Variants in MGAT4C observed in about 807,000 individuals in gnomAD.
The protein encoded by MGAT4C is alpha-1,3-mannosyl-glycoprotein 4-beta-N-acetylglucosaminyltransferase C.
In MGAT4C, 19 loss-of-function variants were observed where a neutral mutation model predicts 40.1. That is an observed-to-expected ratio of 0.47 (90% confidence interval 0.33 to 0.70). The LOEUF is 0.70. Ranked by LOEUF, MGAT4C falls within the 30% of genes least tolerant of loss-of-function variation. The pLI, the probability that MGAT4C is intolerant of heterozygous loss-of-function variation, is 0.02. For synonymous variants in MGAT4C, 181 were observed against 187.1 expected, an observed-to-expected ratio of 0.97 and a Z score of 0.27; for missense variants, 491 against 563.2, an observed-to-expected ratio of 0.87 and a Z score of 1.30.
chr12:86,280,709 TA>T (rs1293870178), intron 4 of MGAT4C, among the ~76,000 whole-genome samples: 5 of 149,900 alleles, frequency 3.3e-5, no homozygotes, highest in Non-Finnish European at 7.4e-5. Context: ...TTTTTTTTTT[TA>T]AATGAAATAA....
intron 4 of MGAT4C, among the ~76,000 whole-genome samples, chr12:86,276,302 GTGTCTA>G (rs2136112805): frequency 6.6e-6 from 1 of 152,066 alleles, no homozygotes; most frequent in African/African-American, 2.4e-5. Context: ...TAGGTATATG[GTGTCTA>G]TATTTAACGA....
At chr12:86,600,961 G>A (rs567173408) in intron 2 of MGAT4C, among the ~76,000 whole-genome samples, 28 of 152,228 alleles carry the variant, frequency 1.8e-4, no homozygotes, top group Non-Finnish European at 3.4e-4. Flanking sequence ...CCTGATAGCC[G>A]AGCCCAGGCG....
At chr12:86,718,865 G>C (rs1950693520) in intron 2 of MGAT4C, among the ~76,000 whole-genome samples, 3 of 151,980 alleles carry the variant, frequency 2.0e-5, no homozygotes, top group Admixed American at 1.3e-4. Flanking sequence ...CCCCTCCATG[G>C]AAAAATTCTT....
intron 1 of MGAT4C, among the ~76,000 whole-genome samples, chr12:86,127,211 T>C (rs1445565858): frequency 6.6e-6 from 1 of 152,176 alleles, no homozygotes; most frequent in East Asian, 1.9e-4. Context: ...GTGTAGCCTA[T>C]TGCTCCTAGG....
intron 4 of MGAT4C, among the ~76,000 whole-genome samples, chr12:86,282,711 G>C (rs1953250933): frequency 6.6e-6 from 1 of 151,978 alleles, no homozygotes; most frequent in Non-Finnish European, 1.5e-5. Context: ...TTAATCTACT[G>C]ATATATAACC....
intron 4 of MGAT4C, among the ~76,000 whole-genome samples, chr12:86,318,486 T>C (rs998810943): frequency 4.6e-5 from 7 of 152,282 alleles, no homozygotes; most frequent in Admixed American, 2.0e-4. Flanking sequence ...TCACAATTGT[T>C]GGAACAGCCT....
chr12:86,659,355 G>T (rs888545941), intron 2 of MGAT4C, among the ~76,000 whole-genome samples: 72 of 151,988 alleles, frequency 4.7e-4, no homozygotes, highest in Non-Finnish European at 2.8e-4. Flanking sequence ...AAATGCCAGA[G>T]AAGAGATACA....
At chr12:86,497,921 C>T (rs1958270319) in intron 2 of MGAT4C, among the ~76,000 whole-genome samples, 1 of 135,280 alleles carries the variant, frequency 7.4e-6, no homozygotes, top group African/African-American at 2.6e-5. Flanking sequence ...TATATACGCA[C>T]ACACACATAT....
intron 1 of MGAT4C, among the ~76,000 whole-genome samples, chr12:86,118,854 T>C (rs996958911): frequency 2.0e-5 from 3 of 152,202 alleles, no homozygotes; most frequent in Non-Finnish European, 2.9e-5. Context: ...AATATAATTA[T>C]GTTATATGCA....
chr12:86,114,321 T>C (rs1878000619), intron 1 of MGAT4C, among the ~76,000 whole-genome samples: 1 of 151,934 alleles, frequency 6.6e-6, no homozygotes, highest in Non-Finnish European at 1.5e-5. Flanking sequence ...TGTACGGGTA[T>C]GAATTCTTAT....
chr12:86,771,984 A>G (rs1951648194), intron 1 of MGAT4C, among the ~76,000 whole-genome samples: 1 of 152,164 alleles, frequency 6.6e-6, no homozygotes, highest in South Asian at 2.1e-4. Context: ...ATACTAAAGG[A>G]GAGAGATAAG....
intron 2 of MGAT4C, among the ~76,000 whole-genome samples, chr12:86,445,189 C>T (rs887674331): frequency 6.6e-6 from 1 of 152,020 alleles, no homozygotes; most frequent in African/African-American, 2.4e-5. Flanking sequence ...TAATTTATGC[C>T]AATTATACTG....
intron 1 of MGAT4C, among the ~76,000 whole-genome samples, chr12:86,196,920 ATAGT>A (rs916969957): frequency 6.6e-6 from 1 of 152,210 alleles, no homozygotes; most frequent in Non-Finnish European, 1.5e-5. Flanking sequence ...TTTTTGCAAC[ATAGT>A]TAGTCTGATA....
At chr12:86,653,454 A>T (rs1035823992) in intron 2 of MGAT4C, among the ~76,000 whole-genome samples, 2 of 151,972 alleles carry the variant, frequency 1.3e-5, no homozygotes, top group Non-Finnish European at 2.9e-5. Context: ...AGGTGCATGC[A>T]TGCCATCTGC....
chr12:86,465,930 C>T (rs554223560), intron 2 of MGAT4C, among the ~76,000 whole-genome samples: 5 of 152,114 alleles, frequency 3.3e-5, no homozygotes, highest in East Asian at 1.9e-4. Flanking sequence ...AAATGTAGGC[C>T]GGGAGTGGTG....
At chr12:86,076,787 G>A (rs1869815151) in intron 1 of MGAT4C, among the ~76,000 whole-genome samples, 1 of 152,088 alleles carries the variant, frequency 6.6e-6, no homozygotes, top group African/African-American at 2.4e-5. Context: ...ACCACAACAC[G>A]TGGGAATTCT....
chr12:86,551,754 C>T (rs1427580540), intron 2 of MGAT4C, among the ~76,000 whole-genome samples: 1 of 152,148 alleles, frequency 6.6e-6, no homozygotes, highest in Non-Finnish European at 1.5e-5. Flanking sequence ...TAAGGCAACA[C>T]CAGGCAAAGC....
chr12:86,680,387 G>C (rs1949959790), intron 2 of MGAT4C, among the ~76,000 whole-genome samples: 1 of 151,880 alleles, frequency 6.6e-6, no homozygotes, highest in South Asian at 2.1e-4. Context: ...CAAATGAGGA[G>C]AATGGGGCTA....
chr12:86,074,972 T>C (rs990942818), intron 1 of MGAT4C, among the ~76,000 whole-genome samples: 1 of 152,132 alleles, frequency 6.6e-6, no homozygotes, highest in African/African-American at 2.4e-5. Context: ...AACCATATCG[T>C]TGTGCCCCTG....
Sources: allele counts gnomAD v4.1 joint callset (sites outside exome capture counted in the v4.1 genomes callset), GRCh38; gene constraint gnomAD v4.1.1; transcripts MANE v1.5; gene names NCBI Gene and HGNC (gene_info 2026-07-23, HGNC 2026-07-21).